Variants in GPC5 observed in about 807,000 individuals in gnomAD.
GPC5 encodes the protein glypican 5.
A neutral mutation model predicts 53.9 loss-of-function variants in GPC5; 47 were observed. The ratio of observed to expected loss-of-function variants is 0.87; its 90% CI spans 0.69 to 1.11. The LOEUF (loss-of-function observed/expected upper bound fraction) is 1.11, where lower values mean the gene tolerates loss of function less well. GPC5 is among the 50% of genes most tolerant of loss of function. The pLI is 0.00. For missense variants in GPC5, 748 were observed against 713.1 expected (o/e 1.05, Z -0.56); for synonymous variants, 286 against 263.3 (o/e 1.09, Z -0.84).
intron 7 of GPC5, among the ~76,000 whole-genome samples, chr13:92,636,117 A>G (rs1455495908): frequency 6.6e-6 from 1 of 152,170 alleles, no homozygotes; most frequent in African/African-American, 2.4e-5. Flanking sequence ...TAACCTTTCT[A>G]CTGAAGTTTG....
intron 6 of GPC5, among the ~76,000 whole-genome samples, chr13:91,933,552 A>G (rs530910496): frequency 4.5e-4 from 68 of 152,092 alleles, no homozygotes; most frequent in African/African-American, 1.5e-3. Flanking sequence ...GCAATGAAGA[A>G]ATGTTAATAA....
chr13:92,685,491 T>A (rs1408548014), intron 7 of GPC5, among the ~76,000 whole-genome samples: 2 of 151,758 alleles, frequency 1.3e-5, no homozygotes, highest in East Asian at 1.9e-4. Flanking sequence ...AAGGCAAGTC[T>A]GACCCTCTGC....
chr13:92,432,356 G>GTT (rs1566588064), intron 7 of GPC5, among the ~76,000 whole-genome samples: 1 of 141,482 alleles, frequency 7.1e-6, no homozygotes, highest in African/African-American at 2.6e-5. Flanking sequence ...GTTGGTGGTG[G>GTT]GTTTTTTTTT....
chr13:91,488,205 T>G (rs1233734675), intron 2 of GPC5, among the ~76,000 whole-genome samples: 1 of 152,114 alleles, frequency 6.6e-6, no homozygotes, highest in African/African-American at 2.4e-5. Flanking sequence ...AGGGCTAAGT[T>G]TGATGTAAAA....
intron 7 of GPC5, among the ~76,000 whole-genome samples, chr13:92,639,471 T>A (rs144341887): frequency 2.0e-5 from 3 of 152,248 alleles, no homozygotes; most frequent in Non-Finnish European, 2.9e-5. Context: ...TCCTTCCTGA[T>A]TTAAATCCTT....
intron 2 of GPC5, among the ~76,000 whole-genome samples, chr13:91,561,966 A>C (rs2031286374): frequency 6.6e-6 from 1 of 152,142 alleles, no homozygotes; most frequent in Non-Finnish European, 1.5e-5. Context: ...GTACCATTAC[A>C]GAGGTTTCAA....
intron 7 of GPC5, among the ~76,000 whole-genome samples, chr13:92,171,202 C>T (rs1400480604): frequency 6.6e-6 from 1 of 152,134 alleles, no homozygotes; most frequent in African/African-American, 2.4e-5. Flanking sequence ...CTGTCAAGGA[C>T]CACTTTTTTG....
At chr13:91,541,697 AGAT>A (rs559590678) in intron 2 of GPC5, among the ~76,000 whole-genome samples, 73 of 152,220 alleles carry the variant, frequency 4.8e-4, no homozygotes, top group African/African-American at 1.7e-3. Flanking sequence ...GTCATGGAAG[AGAT>A]GATAATTATA....
chr13:91,611,098 A>T (rs1217928588), intron 2 of GPC5, among the ~76,000 whole-genome samples: 1 of 152,206 alleles, frequency 6.6e-6, no homozygotes, highest in Non-Finnish European at 1.5e-5. Context: ...ATGTTCAGTA[A>T]TATAATGACA....
intron 7 of GPC5, among the ~76,000 whole-genome samples, chr13:92,772,350 A>G (rs371545148): frequency 9.0e-4 from 137 of 152,312 alleles, no homozygotes; most frequent in South Asian, 8.5e-3. Context: ...AACCCTGTTC[A>G]TCTTACTCAG....
intron 7 of GPC5, among the ~76,000 whole-genome samples, chr13:92,256,102 G>C (rs1177431877): frequency 6.6e-6 from 1 of 151,334 alleles, no homozygotes; most frequent in Non-Finnish European, 1.5e-5. Flanking sequence ...ATATATTCTT[G>C]ATAAAGGCTT....
chr13:91,902,920 T>A (rs774399682), intron 5 of GPC5, among the ~76,000 whole-genome samples: 10 of 152,042 alleles, frequency 6.6e-5, no homozygotes, highest in African/African-American at 1.4e-4. Flanking sequence ...AAAATTTGTC[T>A]ATTGTAAACA....
intron 7 of GPC5, among the ~76,000 whole-genome samples, chr13:92,643,289 A>G (rs1334217855): frequency 6.6e-6 from 1 of 152,198 alleles, no homozygotes; most frequent in Non-Finnish European, 1.5e-5. Flanking sequence ...TTGGACATGA[A>G]GTCCTTGCCC....
At chr13:92,158,520 T>G (rs1265205095) in intron 7 of GPC5, among the ~76,000 whole-genome samples, 1 of 152,058 alleles carries the variant, frequency 6.6e-6, no homozygotes. Flanking sequence ...TTTTTTTTCT[T>G]CTGACAACAC....
chr13:91,469,156 T>G (rs536950923), intron 2 of GPC5, among the ~76,000 whole-genome samples: 1 of 152,246 alleles, frequency 6.6e-6, no homozygotes, highest in African/African-American at 2.4e-5. Context: ...TTGCCCAGGC[T>G]GGAGTGCAGT....
At chr13:92,744,516 A>C (rs984403213) in intron 7 of GPC5, among the ~76,000 whole-genome samples, 4 of 151,708 alleles carry the variant, frequency 2.6e-5, no homozygotes, top group African/African-American at 9.7e-5. Flanking sequence ...AAAAAAAAAA[A>C]CCAGAACATG....
At chr13:91,501,214 C>A (rs1884612168) in intron 2 of GPC5, among the ~76,000 whole-genome samples, 1 of 149,514 alleles carries the variant, frequency 6.7e-6, no homozygotes, top group Non-Finnish European at 1.5e-5. Flanking sequence ...CAACTTCTTG[C>A]AGGAAAGCTC....
At chr13:91,500,839 G>T (rs1014017563) in intron 2 of GPC5, among the ~76,000 whole-genome samples, 1 of 152,122 alleles carries the variant, frequency 6.6e-6, no homozygotes, top group Non-Finnish European at 1.5e-5. Context: ...GGACCAGGTG[G>T]GAGATAATTG....
intron 7 of GPC5, among the ~76,000 whole-genome samples, chr13:92,354,315 T>C (rs1474099860): frequency 6.6e-6 from 1 of 152,234 alleles, no homozygotes; most frequent in African/African-American, 2.4e-5. Flanking sequence ...AACAGTAATA[T>C]AACTAAGATT....
Sources: allele counts gnomAD v4.1 joint callset (sites outside exome capture counted in the v4.1 genomes callset), GRCh38; gene constraint gnomAD v4.1.1; transcripts MANE v1.5; gene names NCBI Gene and HGNC (gene_info 2026-07-23, HGNC 2026-07-21).